TNPO1: variants seen among roughly 807,000 people sequenced by gnomAD.
The protein encoded by TNPO1 is transportin-1.
TNPO1 carries 8 observed loss-of-function variants against 119.5 expected under a neutral mutation model. The observed-to-expected ratio is 0.07, with a 90% CI of 0.04 to 0.12. TNPO1 has a LOEUF of 0.12. Ranked by LOEUF, TNPO1 falls within the 10% of genes least tolerant of loss-of-function variation. The probability of loss-of-function intolerance (pLI) is 1.00; values close to 1 mark genes in which losing one functional copy is unlikely to be tolerated. For missense variants in TNPO1, 576 were observed against 1,089.8 expected, an observed-to-expected ratio of 0.53 and a Z score of 6.64; for synonymous variants, 362 against 363.0, an observed-to-expected ratio of 1.00 and a Z score of 0.03.
chr5:72,846,070 A>G (rs1745111827), intron 1 of TNPO1, among the ~76,000 whole-genome samples: 1 of 152,252 alleles, frequency 6.6e-6, no homozygotes, highest in Non-Finnish European at 1.5e-5. Flanking sequence ...TAAAGGAAAC[A>G]TTCATATTGT....
chr5:72,879,849 TTG>T (rs1009677536), intron 9 of TNPO1, among the ~76,000 whole-genome samples: 1 of 152,142 alleles, frequency 6.6e-6, no homozygotes, highest in African/African-American at 2.4e-5. Context: ...GGAATTAAAA[TTG>T]TGTGTGTTAC....
chr5:72,836,216 T>A (rs578081801), intron 1 of TNPO1, among the ~76,000 whole-genome samples: 5 of 152,312 alleles, frequency 3.3e-5, no homozygotes, highest in African/African-American at 1.2e-4. Flanking sequence ...ACAGCTCCAC[T>A]AGGCGTGCCC....
At chr5:72,828,960 A>G (rs1744327613) in intron 1 of TNPO1, among the ~76,000 whole-genome samples, 1 of 152,260 alleles carries the variant, frequency 6.6e-6, no homozygotes, top group South Asian at 2.1e-4. Context: ...ATGTAAATTT[A>G]TCAGACTTTG....
At position 72,891,807 on chromosome 5, in the gene TNPO1, T is replaced by C. The variant is rs756353859; in HGVS notation, c.1702-3T>C. ...TTTATATGTTTTTCATCATTGTAAA[T>C]AGGAATATATTCAGATGCTAATGCC... On this transcript the variant is annotated splice_region_variant and splice_polypyrimidine_tract_variant and intron_variant, in intron 14 of 24. Transcript: ENST00000337273. 6.3e-7 allele frequency: 1 copy of C among 1,589,734 alleles called. No homozygotes were observed. The highest frequency in any genetic ancestry group is 8.6e-7 in the Non-Finnish European group (1 of 1,164,530).
chr5:72,875,497 A>C lies in TNPO1; in HGVS notation c.679-118A>C, dbSNP rs572122480. Reference sequence around the variant, plus strand: ...TCTTGTAATCTAATATTGTAGGCCAATTCAGTCAGTTTTTGGTACCTTTGT... The same window carrying C: ...TCTTGTAATCTAATATTGTAGGCCACTTCAGTCAGTTTTTGGTACCTTTGT... On this transcript the variant is annotated intron_variant, in intron 7 of 24. Coordinates refer to ENST00000337273, the MANE Select transcript of TNPO1 (RefSeq NM_002270.4). 5 of 983,770 alleles carry C rather than the reference A, an allele frequency of 5.1e-6. No individual in the cohort carries two copies. In the East Asian group the frequency reaches 1.3e-4, roughly 26 times the overall value. 60.9% of individuals were successfully genotyped at this position (983,770 alleles called of 1,614,324 possible).
chr5:72,817,873 G>C lies in TNPO1; in HGVS notation c.15+1121G>C, dbSNP rs142395459. On this transcript the variant is annotated intron_variant, in intron 1 of 24. Transcript: ENST00000337273. ...GTTATATCAAAGCTTTCATGTTAGAGTGGTGAAGAAGCTATGTTTAGTGGA... is the reference window on the plus strand; with the variant it reads ...GTTATATCAAAGCTTTCATGTTAGACTGGTGAAGAAGCTATGTTTAGTGGA... Among the ~76,000 whole-genome samples the C allele has an allele frequency of 3.3e-4, 51 of 152,338 alleles. No homozygotes were observed. The South Asian group carries it at 5.0e-3, about 15-fold the overall frequency.
At chr5:72,864,891 GA>G (rs1487993817) in intron 5 of TNPO1, among the ~76,000 whole-genome samples, 4 of 152,096 alleles carry the variant, frequency 2.6e-5, no homozygotes, top group Non-Finnish European at 4.4e-5. Flanking sequence ...TTACAGGCTT[GA>G]GCCACCACAC....
At chr5:72,861,770 G>T (rs372984969) in intron 4 of TNPO1, 38 bp from the exon 5 acceptor site, 34 of 1,415,118 alleles carry the variant, frequency 2.4e-5, no homozygotes, top group Non-Finnish European at 3.1e-5. Context: ...CTGACATAAT[G>T]CTGTTGGATT....
intron 1 of TNPO1, among the ~76,000 whole-genome samples, chr5:72,845,611 C>G (rs1745095487): frequency 6.6e-6 from 1 of 152,144 alleles, no homozygotes; most frequent in East Asian, 1.9e-4. Flanking sequence ...TTATCTGAAT[C>G]AAATATTCTT....
chr5:72,887,596 A>G (rs1346585558), intron 12 of TNPO1, among the ~76,000 whole-genome samples: 1 of 152,158 alleles, frequency 6.6e-6, no homozygotes, highest in African/African-American at 2.4e-5. Context: ...GAGGCAGGAG[A>G]ATTGCTTGGA....
chr5:72,891,244 A>G (rs1749027663), intron 14 of TNPO1, among the ~76,000 whole-genome samples: 1 of 151,966 alleles, frequency 6.6e-6, no homozygotes, highest in African/African-American at 2.4e-5. Context: ...AGGTGGGCAG[A>G]TCAAAAGGTC....
chr5:72,841,538 G>C (rs1744914866), intron 1 of TNPO1, among the ~76,000 whole-genome samples: 1 of 151,604 alleles, frequency 6.6e-6, no homozygotes, highest in South Asian at 2.1e-4. Context: ...TTTTTTAGTA[G>C]AGACGGGGTT....
chr5:72,859,744 GATTA>G (rs1427609199), intron 4 of TNPO1, among the ~76,000 whole-genome samples: 1 of 152,082 alleles, frequency 6.6e-6, no homozygotes, highest in Non-Finnish European at 1.5e-5. Flanking sequence ...ATTTCTATAG[GATTA>G]ATTTGTGTAT....
intron 6 of TNPO1, among the ~76,000 whole-genome samples, chr5:72,870,820 T>G (rs1747335087): frequency 6.6e-6 from 1 of 152,138 alleles, no homozygotes; most frequent in Non-Finnish European, 1.5e-5. Context: ...AGTTAAAAGA[T>G]TTCTGTTCTT....
chr5:72,911,987 A>G lies in TNPO1; in HGVS notation c.*3314A>G, dbSNP rs1750594752. 6.6e-6 allele frequency: 1 copy of G among 152,486 alleles called. No individual in the cohort carries two copies. The allele number at this position is 152,486 out of a possible 1,614,324, so 9.4% of individuals were successfully genotyped here. ...CCATGTTACAGTCCATTAGCGAGTG[A>G]ACTTAGTGCCACAGGTATTCATTTA... On this transcript the variant is annotated 3_prime_UTR_variant, in exon 25 of 25. Transcript: ENST00000337273.
chr5:72,893,477 A>G lies in TNPO1; in HGVS notation c.1997A>G (p.Asn666Ser), dbSNP rs774984588. Residue 666 changes from asparagine (N) to serine (S), a missense_variant, in exon 17 of 25, where the codon AAC becomes AGC. By Grantham distance (46) the Asn-to-Ser change is conservative (BLOSUM62 1). This residue lies in a region of TNPO1 where 162 missense variants were observed against 294.1 expected (regional missense o/e 0.55). Transcript: ENST00000337273. ...LSGLAEGLGGNIEQLVARSNI... is the reference protein window; with the variant it reads ...LSGLAEGLGGSIEQLVARSNI... Reference sequence around the variant, plus strand: ...GGCCTGGCTGAAGGACTTGGAGGCAACATTGAACAGCTGGTAGCCCGAAGT... The same window carrying G: ...GGCCTGGCTGAAGGACTTGGAGGCAGCATTGAACAGCTGGTAGCCCGAAGT... 1.1e-5 allele frequency: 18 copies of G among 1,614,126 alleles called. No homozygotes were observed. The highest frequency in any genetic ancestry group is 4.0e-5 in the African/African-American group (3 of 74,944).
intron 2 of TNPO1, 135 bp downstream of exon 2, chr5:72,848,633 C>A: frequency 2.8e-6 from 1 of 362,550 alleles, no homozygotes; most frequent in Non-Finnish European, 4.7e-6. Context: ...CTCCCTGGGT[C>A]CGGGCGCGGG....
chr5:72,890,314 A>G (rs140024304), intron 14 of TNPO1, among the ~76,000 whole-genome samples: 6 of 152,340 alleles, frequency 3.9e-5, no homozygotes, highest in East Asian at 1.9e-4. Context: ...TTAGAGTACC[A>G]TATCTAGACA....
chr5:72,862,940 G>A (rs1455658716), intron 5 of TNPO1, among the ~76,000 whole-genome samples: 4 of 151,588 alleles, frequency 2.6e-5, no homozygotes, highest in African/African-American at 9.7e-5. Flanking sequence ...GAGCCACTGC[G>A]CCGGACCATT....
Sources: allele counts gnomAD v4.1 joint callset (sites outside exome capture counted in the v4.1 genomes callset), GRCh38; gene constraint gnomAD v4.1.1; regional missense constraint gnomAD v4.1.1; transcripts MANE v1.5; gene names NCBI Gene and HGNC (gene_info 2026-07-23, HGNC 2026-07-21).